The following SHISA9 variants were observed in gnomAD, a reference collection of about 807,000 sequenced individuals.
SHISA9 encodes protein shisa-9.
A neutral mutation model predicts 38.0 loss-of-function variants in SHISA9; 13 were observed. That is an observed-to-expected ratio of 0.34 (90% CI 0.22 to 0.54). SHISA9 has a LOEUF of 0.54. SHISA9 is among the 20% of genes least tolerant of loss of function. The probability of loss-of-function intolerance (pLI) is 0.91; values close to 1 mark genes in which losing one functional copy is unlikely to be tolerated. For synonymous variants in SHISA9, 275 were observed against 242.0 expected (o/e 1.14, Z -1.27); for missense variants, 538 against 575.8 (o/e 0.93, Z 0.67).
intron 2 of SHISA9, among the ~76,000 whole-genome samples, chr16:12,925,473 G>GTGTGTTTA (rs113968316): frequency 8.0e-5 from 12 of 150,602 alleles, no homozygotes; most frequent in African/African-American, 2.9e-4. Context: ...GTGTGTGTGT[G>GTGTGTTTA]CAAGCAACAG....
intron 2 of SHISA9, among the ~76,000 whole-genome samples, chr16:13,134,153 G>C (rs1438939758): frequency 1.3e-5 from 2 of 152,152 alleles, no homozygotes; most frequent in African/African-American, 4.8e-5. Context: ...AGTAGCACCA[G>C]ACTGCCTGGG....
At chr16:12,996,267 T>C (rs1325584784) in intron 2 of SHISA9, among the ~76,000 whole-genome samples, 1 of 152,190 alleles carries the variant, frequency 6.6e-6, no homozygotes, top group Non-Finnish European at 1.5e-5. Flanking sequence ...AGGCTTTATA[T>C]AAGATCCAGA....
At chr16:12,952,758 A>G (rs2071776004) in intron 2 of SHISA9, among the ~76,000 whole-genome samples, 1 of 152,112 alleles carries the variant, frequency 6.6e-6, no homozygotes, top group African/African-American at 2.4e-5. Context: ...CATGATTGTA[A>G]GTTTCCTGCA....
the SHISA9 span, among the ~76,000 whole-genome samples, chr16:13,547,559 A>G: frequency 6.6e-6 from 1 of 152,186 alleles, no homozygotes; most frequent in Non-Finnish European, 1.5e-5. Context: ...GAAGAGAGAG[A>G]GAGGGAGAGA....
chr16:13,203,250 T>G, intron 2 of SHISA9, 144 bp from the exon 3 acceptor site: 1 of 654,882 alleles, frequency 1.5e-6, no homozygotes, highest in Non-Finnish European at 2.3e-6. Context: ...TTGTGTCCCA[T>G]GTATCTGTGA....
intron 2 of SHISA9, among the ~76,000 whole-genome samples, chr16:13,046,906 C>T (rs1028954274): frequency 4.6e-5 from 7 of 152,148 alleles, no homozygotes; most frequent in African/African-American, 1.7e-4. Context: ...GTTATGTCCT[C>T]CTGGAACCTG....
chr16:13,126,155 C>G (rs1418080677), intron 2 of SHISA9, among the ~76,000 whole-genome samples: 1 of 152,130 alleles, frequency 6.6e-6, no homozygotes, highest in African/African-American at 2.4e-5. Context: ...TTCGGCAGCC[C>G]CATGTGCATA....
chr16:13,527,851 C>A, the SHISA9 span, among the ~76,000 whole-genome samples: 1 of 151,876 alleles, frequency 6.6e-6, no homozygotes, highest in Non-Finnish European at 1.5e-5. Flanking sequence ...GGAAGGAGTT[C>A]AAAAAAGTAT....
intron 3 of SHISA9, among the ~76,000 whole-genome samples, chr16:13,211,860 G>T (rs1402361973): frequency 6.6e-6 from 1 of 152,212 alleles, no homozygotes; most frequent in Admixed American, 6.5e-5. Flanking sequence ...TGGTCAGCGT[G>T]TGGCCATCCA....
At chr16:13,502,480 T>C in the SHISA9 span, among the ~76,000 whole-genome samples, 1 of 152,346 alleles carries the variant, frequency 6.6e-6, no homozygotes, top group African/African-American at 2.4e-5. Context: ...CAAATATATT[T>C]ATTGTATACC....
At chr16:13,213,734 AG>A (rs1450886402) in intron 4 of SHISA9, among the ~76,000 whole-genome samples, 1 of 152,192 alleles carries the variant, frequency 6.6e-6, no homozygotes, top group African/African-American at 2.4e-5. Context: ...CTAGCCTTTT[AG>A]AGAACAGAAT....
chr16:13,123,393 T>C (rs940463432), intron 2 of SHISA9, among the ~76,000 whole-genome samples: 2 of 152,228 alleles, frequency 1.3e-5, no homozygotes, highest in Admixed American at 6.5e-5. Context: ...GTCTAATCCA[T>C]TGGGAGTGGC....
the SHISA9 span, among the ~76,000 whole-genome samples, chr16:13,320,179 T>C: frequency 6.7e-6 from 1 of 149,432 alleles, no homozygotes; most frequent in African/African-American, 2.5e-5. Context: ...TAGTCCCAGC[T>C]ACTCAGGAGG....
the SHISA9 span, among the ~76,000 whole-genome samples, chr16:13,450,470 T>C: frequency 6.6e-6 from 1 of 152,242 alleles, no homozygotes; most frequent in South Asian, 2.1e-4. Flanking sequence ...ACTTCAACTT[T>C]CATGGGTCTC....
chr16:13,392,300 T>A, the SHISA9 span, among the ~76,000 whole-genome samples: 1 of 152,180 alleles, frequency 6.6e-6, no homozygotes, highest in Non-Finnish European at 1.5e-5. Context: ...ACTTGACAGC[T>A]CCCTTCTTTT....
chr16:13,017,770 A>T (rs1005589814), intron 2 of SHISA9, among the ~76,000 whole-genome samples: 7 of 152,228 alleles, frequency 4.6e-5, no homozygotes, highest in Admixed American at 1.3e-4. Flanking sequence ...CAGAGCTCAT[A>T]TACTTCATTG....
chr16:13,554,510 CTCTT>C, the SHISA9 span, among the ~76,000 whole-genome samples: 2 of 137,108 alleles, frequency 1.5e-5, no homozygotes, highest in African/African-American at 5.4e-5. Flanking sequence ...TTCTTTTCTT[CTCTT>C]TCTTTTTTTT....
At chr16:13,337,724 G>A in the SHISA9 span, among the ~76,000 whole-genome samples, 1 of 152,188 alleles carries the variant, frequency 6.6e-6, no homozygotes, top group Non-Finnish European at 1.5e-5. Context: ...GTTGGAGGAG[G>A]GGCCTGGTGG....
At chr16:13,262,654 A>G in the SHISA9 span, among the ~76,000 whole-genome samples, 3 of 47,714 alleles carry the variant, frequency 6.3e-5, no homozygotes, top group South Asian at 1.6e-3. Context: ...GGAAGGAAGG[A>G]AGGAAGGAAG....
Sources: gnomAD v4.1 joint callset for allele counts (sites outside exome capture counted in the v4.1 genomes callset) on GRCh38, gnomAD v4.1.1 for gene constraint, MANE v1.5 for transcripts, NCBI Gene and HGNC (gene_info 2026-07-23, HGNC 2026-07-21) for gene names.